Variants in COL23A1 observed in about 807,000 individuals in gnomAD.
The protein encoded by COL23A1 is collagen alpha-1(XXIII) chain.
COL23A1 carries 97 observed loss-of-function variants against 99.3 expected under a neutral mutation model. The ratio of observed to expected loss-of-function variants is 0.98; its 90% CI spans 0.83 to 1.16. COL23A1 has a LOEUF of 1.16. COL23A1 is among the 50% of genes most tolerant of loss of function. The probability of loss-of-function intolerance (pLI) is 0.00; values close to 1 mark genes in which losing one functional copy is unlikely to be tolerated. For missense variants in COL23A1, 762 were observed against 757.4 expected (o/e 1.01, Z -0.07); for synonymous variants, 320 against 308.2 (o/e 1.04, Z -0.40).
At position 178,290,286 on chromosome 5, in the gene COL23A1, G is replaced by A. The variant is rs201555150; in HGVS notation, c.414+76C>T. The A allele has an allele frequency of 8.7e-3, 14,008 of 1,606,218 alleles. 76 individuals are homozygous for A. The highest frequency in any genetic ancestry group is 0.012 in the Middle Eastern group (72 of 6,044). On this transcript the variant is annotated intron_variant, in intron 4 of 28. Coordinates refer to ENST00000390654, the MANE Select transcript of COL23A1 (RefSeq NM_173465.4). ...GACACACCTCCCTAACCAAAATTAT[G>A]TTCATGGAATTGCAACAGAGAGAGA... is the stretch of plus-strand genomic sequence containing the variant.
At chr5:178,268,588 T>C in intron 7 of COL23A1, 142 bp downstream of exon 7, 1 of 682,312 alleles carries the variant, frequency 1.5e-6, no homozygotes, top group Non-Finnish European at 2.3e-6. Flanking sequence ...GGCACTGTGA[T>C]TCCCACTCTA....
intron 2 of COL23A1, among the ~76,000 whole-genome samples, chr5:178,368,687 G>C (rs1561909886): frequency 6.6e-6 from 1 of 152,086 alleles, no homozygotes; most frequent in Non-Finnish European, 1.5e-5. Context: ...GAAGCCGTCA[G>C]CCTCCAGAAG....
In COL23A1 at chr5:178,262,412, G is replaced by A. The variant is rs570114835; in HGVS notation, c.640-160C>T. ...GTATCACTGTCCCCACTCCACAGATGAGAATGTTAGGCTGGGGAAGCCACT... is the reference window on the plus strand; with the variant it reads ...GTATCACTGTCCCCACTCCACAGATAAGAATGTTAGGCTGGGGAAGCCACT... On this transcript the variant is annotated intron_variant, in intron 9 of 28. Coordinates refer to ENST00000390654, the MANE Select transcript of COL23A1 (RefSeq NM_173465.4). Among the ~76,000 whole-genome samples the A allele has an allele frequency of 3.2e-4, 48 of 152,342 alleles. 1 individual carries two copies. The South Asian group carries it at 9.7e-3, about 31-fold the overall frequency.
At position 178,280,628 on chromosome 5, in the gene COL23A1, T is replaced by C. The variant is rs923269324; in HGVS notation, c.441+7696A>G. 6.6e-6 allele frequency among the ~76,000 whole-genome samples: 1 copy of C among 152,102 alleles called. No individual in the cohort carries two copies. The highest frequency in any genetic ancestry group is 1.9e-4 in the East Asian group (1 of 5,192). On this transcript the variant is annotated intron_variant, in intron 5 of 28. Coordinates refer to ENST00000390654, the MANE Select transcript of COL23A1 (RefSeq NM_173465.4). This position sits in a 1 kb window ranked among gnomAD's most constrained non-coding sequence, Gnocchi z 4.9. ...GCAGGTCTGTGAACATGTTCTTCCATGTGATGGGGCGAGGATGCTGTGGGG... is the reference window on the plus strand; with the variant it reads ...GCAGGTCTGTGAACATGTTCTTCCACGTGATGGGGCGAGGATGCTGTGGGG...
intron 2 of COL23A1, among the ~76,000 whole-genome samples, chr5:178,341,080 C>CCTGG (rs1760631883): frequency 6.6e-6 from 1 of 152,188 alleles, no homozygotes; most frequent in East Asian, 1.9e-4. Flanking sequence ...TGGAGCAGGG[C>CCTGG]CTGGCTGCAT....
chr5:178,360,678 G>A (rs777934470), intron 2 of COL23A1, among the ~76,000 whole-genome samples: 6 of 152,168 alleles, frequency 3.9e-5, no homozygotes, highest in Non-Finnish European at 5.9e-5. Flanking sequence ...AATATGTTTC[G>A]AATGAGAAAC....
At chr5:178,521,993 G>A (rs507744) in intron 2 of COL23A1, among the ~76,000 whole-genome samples, 55,298 of 151,972 alleles carry the variant, frequency 0.36, 11,512 homozygotes, top group East Asian at 0.67. Flanking sequence ...CAAATGGCTA[G>A]CATGGTAATC....
intron 27 of COL23A1, among the ~76,000 whole-genome samples, chr5:178,241,222 G>A (rs978151105): frequency 2.0e-5 from 3 of 151,928 alleles, no homozygotes; most frequent in Admixed American, 6.6e-5. Flanking sequence ...CTCTGTCTCC[G>A]AAAAGAAATA....
chr5:178,257,524 T>C lies in COL23A1; in HGVS notation c.773A>G (p.Lys258Arg). The C allele has an allele frequency of 6.4e-7, 1 of 1,566,894 alleles. No homozygotes were observed. Among genetic ancestry groups the C allele is most frequent in the East Asian group, 2.4e-5 (1 of 42,458 alleles). ...TPSQPGPPGP[K>R]GEPGSMGPRG... ...ACGAGAGGAGGGGCAGATACTCACC[T>C]TGGGCCCTGGTGGTCCAGGCTGGCT... Residue 258 changes from lysine (K) to arginine (R), a missense_variant and splice_region_variant, in exon 13 of 29, where the codon AAG (lysine) becomes AGG (arginine). Physicochemically the swap from Lys to Arg is conservative, Grantham distance 26. Transcript: ENST00000390654.
chr5:178,523,201 T>TAG (rs70997609), intron 2 of COL23A1, among the ~76,000 whole-genome samples: 143 of 77,588 alleles, frequency 1.8e-3, no homozygotes, highest in South Asian at 4.7e-3. Context: ...TATATATATA[T>TAG]AGAGAGAGAG....
At chr5:178,465,835 G>T (rs1468667162) in intron 2 of COL23A1, among the ~76,000 whole-genome samples, 1 of 152,246 alleles carries the variant, frequency 6.6e-6, no homozygotes, top group Non-Finnish European at 1.5e-5. Flanking sequence ...GCGTGCAGGG[G>T]CAGGGAGATG....
chr5:178,413,585 T>C (rs1765156648), intron 2 of COL23A1, among the ~76,000 whole-genome samples: 1 of 152,214 alleles, frequency 6.6e-6, no homozygotes, highest in Non-Finnish European at 1.5e-5. Context: ...CAAACTTTAG[T>C]TCAATGGGAA....
chr5:178,345,817 G>A (rs749501506), intron 2 of COL23A1, among the ~76,000 whole-genome samples: 3 of 151,996 alleles, frequency 2.0e-5, no homozygotes, highest in Admixed American at 6.6e-5. Context: ...GAGCCGTTGC[G>A]CCCGGACTTT....
At chr5:178,488,681 TA>T (rs11297354) in intron 2 of COL23A1, among the ~76,000 whole-genome samples, 12,444 of 135,228 alleles carry the variant, frequency 0.092, 1,416 homozygotes, top group East Asian at 0.55. Context: ...TATGACTCTT[TA>T]AAAAAAAAAA....
At chr5:178,586,437 T>G (rs1379506456) in intron 1 of COL23A1, among the ~76,000 whole-genome samples, 1 of 152,156 alleles carries the variant, frequency 6.6e-6, no homozygotes, top group African/African-American at 2.4e-5. Flanking sequence ...CTGGTATAAA[T>G]TCATTCAGCT....
Position 178,238,670 on chromosome 5 carries a change from C to G in COL23A1, c.*28G>C, listed in dbSNP as rs1016836886. On this transcript the variant is annotated 3_prime_UTR_variant, in exon 29 of 29. Transcript: ENST00000390654. The stretch of plus-strand genomic sequence containing the variant: ...AAAAATTAAAAATGTCCACACGGAT[C>G]TGTACAGGTGTGAGCTGGGCCTGTG... 4.3e-6 allele frequency: 7 copies of G among 1,611,946 alleles called. No individual in the cohort carries two copies. Among genetic ancestry groups the G allele is most frequent in the Non-Finnish European group, 5.1e-6 (6 of 1,179,738 alleles).
intron 1 of COL23A1, among the ~76,000 whole-genome samples, chr5:178,575,282 C>T (rs776359847): frequency 6.6e-6 from 1 of 151,874 alleles, no homozygotes; most frequent in Non-Finnish European, 1.5e-5. Context: ...CACCTCTTAA[C>T]CTCAAAATAA....
intron 5 of COL23A1, among the ~76,000 whole-genome samples, chr5:178,279,862 G>A (rs138175045): frequency 6.6e-6 from 1 of 152,300 alleles, no homozygotes; most frequent in Non-Finnish European, 1.5e-5. Context: ...ACCAGGCCAG[G>A]TCTGGGTAAC....
intron 22 of COL23A1, among the ~76,000 whole-genome samples, chr5:178,246,935 C>G (rs1323538685): frequency 6.6e-6 from 1 of 152,168 alleles, no homozygotes; most frequent in Non-Finnish European, 1.5e-5. Context: ...ATTCTCAGTC[C>G]CACATCTGGC....
Sources: allele counts gnomAD v4.1 joint callset (sites outside exome capture counted in the v4.1 genomes callset), GRCh38; gene constraint gnomAD v4.1.1; non-coding constraint Gnocchi (gnomAD v3.1); transcripts MANE v1.5; gene names NCBI Gene and HGNC (gene_info 2026-07-23, HGNC 2026-07-21).